Variants in ULK4 observed in about 807,000 individuals in gnomAD.
The protein encoded by ULK4 is inactive serine/threonine-protein kinase ULK4.
A neutral mutation model predicts 160.6 loss-of-function variants in ULK4; 133 were observed. That is an observed-to-expected ratio of 0.83 (90% CI 0.72 to 0.96). The LOEUF (loss-of-function observed/expected upper bound fraction) is 0.96, where lower values mean the gene tolerates loss of function less well. Ranked by LOEUF, ULK4 falls within the 40% of genes least tolerant of loss-of-function variation. The pLI, the probability that ULK4 is intolerant of heterozygous loss-of-function variation, is 0.00. For synonymous variants in ULK4, 534 were observed against 539.8 expected (o/e 0.99, Z 0.15); for missense variants, 1,580 against 1,499.5 (o/e 1.05, Z -0.89).
At chr3:41,527,777 C>T (rs1230370398) in intron 32 of ULK4, among the ~76,000 whole-genome samples, 2 of 152,116 alleles carry the variant, frequency 1.3e-5, no homozygotes, top group Non-Finnish European at 2.9e-5. Context: ...TATACTCTTC[C>T]AACCTGGATA....
intron 35 of ULK4, among the ~76,000 whole-genome samples, chr3:41,382,905 T>C (rs946605517): frequency 2.3e-4 from 35 of 152,084 alleles, no homozygotes; most frequent in African/African-American, 8.2e-4. Context: ...AATGTGGATA[T>C]TTGTTATTGT....
chr3:41,764,574 A>G (rs895921844), intron 21 of ULK4, among the ~76,000 whole-genome samples: 1 of 152,208 alleles, frequency 6.6e-6, no homozygotes, highest in African/African-American at 2.4e-5. Flanking sequence ...CTACAAAGAA[A>G]ACAAAAAACT....
intron 30 of ULK4, among the ~76,000 whole-genome samples, chr3:41,654,725 T>G (rs2034867383): frequency 6.6e-6 from 1 of 152,204 alleles, no homozygotes; most frequent in South Asian, 2.1e-4. Context: ...ACTATGAATG[T>G]GCACCCAATT....
At chr3:41,889,953 A>G (rs2148777860) in intron 16 of ULK4, among the ~76,000 whole-genome samples, 1 of 152,348 alleles carries the variant, frequency 6.6e-6, no homozygotes, top group East Asian at 1.9e-4. Context: ...ACATTCCACA[A>G]TACAGATGAA....
intron 34 of ULK4, among the ~76,000 whole-genome samples, chr3:41,423,175 A>T (rs146594621): frequency 2.0e-5 from 3 of 152,330 alleles, no homozygotes; most frequent in Non-Finnish European, 4.4e-5. Context: ...GACAGTAAGC[A>T]GGGAAAAGGA....
chr3:41,437,530 T>C (rs552556318), intron 34 of ULK4, among the ~76,000 whole-genome samples: 72 of 152,338 alleles, frequency 4.7e-4, no homozygotes, highest in African/African-American at 1.7e-3. Flanking sequence ...TCTTACACAC[T>C]ATACTCTGGG....
At chr3:41,720,336 A>T (rs9825741) in intron 22 of ULK4, among the ~76,000 whole-genome samples, 47,501 of 151,966 alleles carry the variant, frequency 0.31, 10,824 homozygotes, top group African/African-American at 0.65. Context: ...CAGCAATTCC[A>T]TCTCATTATT....
intron 32 of ULK4, among the ~76,000 whole-genome samples, chr3:41,564,914 C>G (rs934224089): frequency 6.6e-6 from 1 of 152,150 alleles, no homozygotes; most frequent in African/African-American, 2.4e-5. Context: ...AAGCTCCATC[C>G]ATATTAAGTG....
At chr3:41,384,863 G>A (rs959031097) in intron 35 of ULK4, among the ~76,000 whole-genome samples, 4 of 152,114 alleles carry the variant, frequency 2.6e-5, no homozygotes, top group African/African-American at 9.7e-5. Flanking sequence ...GGGATTACAG[G>A]CGTGAGCCAC....
intron 4 of ULK4, among the ~76,000 whole-genome samples, chr3:41,932,457 C>T (rs1320372790): frequency 1.3e-5 from 2 of 152,112 alleles, no homozygotes; most frequent in African/African-American, 4.8e-5. Flanking sequence ...TGCTGTCTGA[C>T]CTTAAAGAAT....
intron 3 of ULK4, chr3:41,937,403 T>C (rs115302284): frequency 8.3e-4 from 558 of 669,638 alleles, no homozygotes; most frequent in African/African-American, 7.7e-3. Context: ...TTAAGTTTTA[T>C]AAATTCTAAG....
At chr3:41,368,276 C>T (rs933138253) in intron 35 of ULK4, among the ~76,000 whole-genome samples, 1 of 152,036 alleles carries the variant, frequency 6.6e-6, no homozygotes, top group Non-Finnish European at 1.5e-5. Flanking sequence ...GTCTCAATCT[C>T]CTGACCTCGT....
intron 31 of ULK4, among the ~76,000 whole-genome samples, chr3:41,566,366 G>C (rs2087783325): frequency 6.6e-6 from 1 of 152,182 alleles, no homozygotes; most frequent in African/African-American, 2.4e-5. Flanking sequence ...AGACTTCCCT[G>C]CCCATGAGCT....
chr3:41,935,017 A>ATTTTT (rs10635589), intron 4 of ULK4, among the ~76,000 whole-genome samples: 15 of 112,870 alleles, frequency 1.3e-4, no homozygotes, highest in Non-Finnish European at 1.7e-4. Context: ...TTATTTATTA[A>ATTTTT]TTTTTTTTTT....
At position 41,356,380 on chromosome 3, in the gene ULK4, C is replaced by A. The variant is rs375623093; in HGVS notation, c.3678+41699G>T. Among the ~76,000 whole-genome samples the A allele has an allele frequency of 5.9e-5, 9 of 152,314 alleles. No homozygotes were observed. In the East Asian group the frequency reaches 1.7e-3, roughly 29 times the overall value. On this transcript the variant is annotated intron_variant, in intron 35 of 36. Transcript: ENST00000301831. ...ATCTCTTGCCGTTTATCTTGATAGT[C>A]TCTCCTGTCTCCAAATTCTCAGTGA...
At chr3:41,659,673 A>T (rs879905035) in intron 30 of ULK4, among the ~76,000 whole-genome samples, 3 of 89,666 alleles carry the variant, frequency 3.3e-5, no homozygotes, top group Admixed American at 2.7e-4. Context: ...TGGCCATATT[A>T]AAAAAAAAAA....
chr3:41,294,241 C>T (rs1405140221), intron 35 of ULK4, among the ~76,000 whole-genome samples: 1 of 152,156 alleles, frequency 6.6e-6, no homozygotes, highest in Non-Finnish European at 1.5e-5. Context: ...CTCTCTTCTG[C>T]CATGTGAAGA....
chr3:41,793,000 A>C (rs12185908), intron 20 of ULK4, among the ~76,000 whole-genome samples: 44,859 of 152,074 alleles, frequency 0.29, 9,220 homozygotes, highest in African/African-American at 0.59. Flanking sequence ...AGGTAAAACC[A>C]CATCTCTACT....
Position 41,246,838 on chromosome 3 carries a change from G to T in ULK4, c.*91C>A. ...TTATTAGGTCCAAAGACAGCTGTGA[G>T]GGGATGTGGCAAAGGTGTCTGGGAG... On this transcript the variant is annotated 3_prime_UTR_variant, in exon 37 of 37. Coordinates refer to ENST00000301831, the MANE Select transcript of ULK4 (RefSeq NM_017886.4). 6.8e-7 allele frequency: 1 copy of T among 1,460,066 alleles called. No homozygotes were observed. Among genetic ancestry groups the T allele is most frequent in the Non-Finnish European group, 9.4e-7 (1 of 1,061,726 alleles). 90.4% of individuals were successfully genotyped at this position (1,460,066 alleles called of 1,614,324 possible).
Sources: gnomAD v4.1 joint callset for allele counts (sites outside exome capture counted in the v4.1 genomes callset) on GRCh38, gnomAD v4.1.1 for gene constraint, MANE v1.5 for transcripts, NCBI Gene and HGNC (gene_info 2026-07-23, HGNC 2026-07-21) for gene names.